DCAF8L2: variants seen among roughly 807,000 people sequenced by gnomAD.
DCAF8L2 encodes DDB1- and CUL4-associated factor 8-like protein 2.
For synonymous variants in DCAF8L2, 200 were observed against 190.9 expected (o/e 1.05, Z -0.39); for missense variants, 430 against 490.7 (o/e 0.88, Z 1.17).
the DCAF8L2 span, among the ~76,000 whole-genome samples, chrX:27,473,518 C>G: frequency 9.1e-6 from 1 of 110,403 alleles, no homozygotes; most frequent in Non-Finnish European, 1.9e-5. Flanking sequence ...AATGAGAGCT[C>G]ACATATATGC....
In DCAF8L2 at chrX:27,749,888, A is replaced by C. The variant is rs746782879; in HGVS notation, c.*1097A>C. On this transcript the variant is annotated 3_prime_UTR_variant, in exon 5 of 5. Coordinates refer to ENST00000451261, the MANE Select transcript of DCAF8L2 (RefSeq NM_001353450.2). ...TTATGCCTCATTTAATATAAATTAA[A>C]TAAGGGTACTGGATGTCCAATTACT... 8.9e-6 allele frequency among the ~76,000 whole-genome samples: 1 copy of C among 112,233 alleles called. No homozygotes were observed. The highest frequency in any genetic ancestry group is 3.7e-4 in the South Asian group (1 of 2,714).
chrX:27,670,107 G>GT (rs77377493), intron 2 of DCAF8L2, among the ~76,000 whole-genome samples: 58 of 95,718 alleles, frequency 6.1e-4, no homozygotes, highest in East Asian at 5.3e-3. Flanking sequence ...GTTTTATAGT[G>GT]TTTTTTTTGT....
chrX:27,720,726 A>T (rs762094111), intron 4 of DCAF8L2, among the ~76,000 whole-genome samples: 1 of 111,437 alleles, frequency 9.0e-6, no homozygotes, highest in South Asian at 3.7e-4. Context: ...TTTGACTAAG[A>T]CTCCATTAAA....
chrX:27,495,553 C>T, the DCAF8L2 span, among the ~76,000 whole-genome samples: 1 of 111,731 alleles, frequency 9.0e-6, no homozygotes, highest in Non-Finnish European at 1.9e-5. Flanking sequence ...ATTTGTATTC[C>T]ATAGTATTGT....
the DCAF8L2 span, among the ~76,000 whole-genome samples, chrX:27,541,836 TC>T: frequency 9.0e-6 from 1 of 111,293 alleles, no homozygotes; most frequent in African/African-American, 3.3e-5. Flanking sequence ...AGTCCCTGCC[TC>T]CCTCCTTCTC....
chrX:27,708,721 C>T (rs768795306), intron 3 of DCAF8L2, among the ~76,000 whole-genome samples: 1 of 112,103 alleles, frequency 8.9e-6, no homozygotes, highest in East Asian at 2.8e-4. Flanking sequence ...GGTTAAACCC[C>T]TACCGATCTA....
At chrX:27,723,530 G>A (rs1188247605) in intron 4 of DCAF8L2, among the ~76,000 whole-genome samples, 1 of 111,518 alleles carries the variant, frequency 9.0e-6, no homozygotes, top group East Asian at 2.8e-4. Context: ...CTATAGAGAA[G>A]CTTTTCCTTA....
chrX:27,620,462 T>G (rs1280854083), intron 1 of DCAF8L2, among the ~76,000 whole-genome samples: 1 of 111,661 alleles, frequency 9.0e-6, no homozygotes, highest in African/African-American at 3.2e-5. Flanking sequence ...GAAAATATTT[T>G]CAAACCATAT....
intron 2 of DCAF8L2, among the ~76,000 whole-genome samples, chrX:27,665,925 C>CA (rs2147218383): frequency 9.0e-6 from 1 of 111,622 alleles, no homozygotes; most frequent in East Asian, 2.8e-4. Flanking sequence ...ACTGGAAAGC[C>CA]AAAAAATCTA....
intron 4 of DCAF8L2, among the ~76,000 whole-genome samples, chrX:27,734,721 T>A (rs983604093): frequency 7.1e-5 from 8 of 112,055 alleles, no homozygotes; most frequent in African/African-American, 2.6e-4. Context: ...TAGTTTTATA[T>A]CTGTATTTCA....
intron 2 of DCAF8L2, among the ~76,000 whole-genome samples, chrX:27,662,219 AGAT>A (rs1380433951): frequency 5.0e-4 from 56 of 111,424 alleles, no homozygotes; most frequent in South Asian, 3.8e-4. Context: ...TCTGTGCAGG[AGAT>A]GATCTATAAA....
chrX:27,531,946 A>T, the DCAF8L2 span, among the ~76,000 whole-genome samples: 1 of 111,654 alleles, frequency 9.0e-6, no homozygotes, highest in African/African-American at 3.3e-5. Context: ...AAAGCTTTGA[A>T]CCTTGCTAAA....
At chrX:27,599,306 A>G (rs1021203933) in intron 1 of DCAF8L2, among the ~76,000 whole-genome samples, 7 of 111,582 alleles carry the variant, frequency 6.3e-5, no homozygotes, top group African/African-American at 2.3e-4. Flanking sequence ...TATATGAGGT[A>G]TCTATCTGGA....
intron 1 of DCAF8L2, among the ~76,000 whole-genome samples, chrX:27,591,787 G>A (rs750177306): frequency 2.7e-5 from 3 of 111,949 alleles, no homozygotes; most frequent in Non-Finnish European, 5.6e-5. Context: ...GTTTAGATTA[G>A]TCTTTTTAAC....
At chrX:27,739,552 C>A (rs774809540) in intron 4 of DCAF8L2, among the ~76,000 whole-genome samples, 1 of 111,500 alleles carries the variant, frequency 9.0e-6, no homozygotes, top group Non-Finnish European at 1.9e-5. Context: ...ATATTCACTC[C>A]CTAGGTGATC....
intron 1 of DCAF8L2, among the ~76,000 whole-genome samples, chrX:27,615,500 C>A (rs186272936): frequency 0.021 from 2,133 of 101,910 alleles, 46 homozygotes; most frequent in African/African-American, 0.077. Flanking sequence ...ATTAAACGCA[C>A]AAAAAATAAT....
chrX:27,675,133 T>G (rs1268475854), intron 2 of DCAF8L2, among the ~76,000 whole-genome samples: 2 of 111,759 alleles, frequency 1.8e-5, no homozygotes, highest in East Asian at 5.6e-4. Context: ...GTAAATGTAA[T>G]GGTTAGATTT....
intron 1 of DCAF8L2, among the ~76,000 whole-genome samples, chrX:27,626,911 TGTTA>T (rs1928033649): frequency 9.0e-6 from 1 of 111,600 alleles, no homozygotes; most frequent in Non-Finnish European, 1.9e-5. Context: ...TAATTCCAAT[TGTTA>T]GTTTTGCTAA....
At chrX:27,673,270 A>G (rs5926474) in intron 2 of DCAF8L2, among the ~76,000 whole-genome samples, 51,674 of 108,841 alleles carry the variant, frequency 0.47, 8,959 homozygotes, top group Middle Eastern at 0.61. Flanking sequence ...CACTTTGGGA[A>G]GCTGAGGCAG....
Sources: gnomAD v4.1 joint callset for allele counts (sites outside exome capture counted in the v4.1 genomes callset) on GRCh38, gnomAD v4.1.1 for gene constraint, MANE v1.5 for transcripts, NCBI Gene and HGNC (gene_info 2026-07-23, HGNC 2026-07-21) for gene names.